Variants in ARSF observed in about 807,000 individuals in gnomAD.
The protein encoded by ARSF is arylsulfatase F.
In ARSF, 33 loss-of-function variants were observed where a neutral mutation model predicts 35.4. That is an observed-to-expected ratio of 0.93 (90% CI 0.71 to 1.25). ARSF has a LOEUF of 1.25. Ranked by LOEUF, ARSF falls within the 50% of genes most tolerant of loss-of-function variation. The pLI is 0.00. For synonymous variants in ARSF, 222 were observed against 193.1 expected (o/e 1.15, Z -1.24); for missense variants, 501 against 480.2 (o/e 1.04, Z -0.40).
intron 1 of ARSF, among the ~76,000 whole-genome samples, chrX:3,057,477 G>A (rs2147480549): frequency 9.0e-6 from 1 of 111,247 alleles, no homozygotes; most frequent in East Asian, 2.9e-4. Context: ...TTATTAGGGG[G>A]CAGCTGAAAT....
chrX:3,045,493 C>T (rs766165516), intron 1 of ARSF, among the ~76,000 whole-genome samples: 4 of 109,569 alleles, frequency 3.7e-5, no homozygotes, highest in South Asian at 3.9e-4. Flanking sequence ...TTTCATAGGG[C>T]ATGTAAAGCT....
intron 1 of ARSF, among the ~76,000 whole-genome samples, chrX:3,060,764 A>T (rs1007087166): frequency 1.8e-5 from 2 of 111,549 alleles, no homozygotes; most frequent in Non-Finnish European, 3.8e-5. Flanking sequence ...AGTTTAGAGA[A>T]AAAAGAGTAA....
At chrX:3,040,478 C>A (rs1433301750), upstream of ARSF, among the ~76,000 whole-genome samples, 1 of 111,404 alleles carries the variant, frequency 9.0e-6, no homozygotes, top group Non-Finnish European at 1.9e-5. Flanking sequence ...GTGGTGCATT[C>A]TAAATGGTCT....
intron 8 of ARSF, among the ~76,000 whole-genome samples, chrX:3,102,420 C>T (rs2090383157): frequency 8.9e-6 from 1 of 112,048 alleles, no homozygotes; most frequent in Non-Finnish European, 1.9e-5. Context: ...AGAATAATGG[C>T]CTCCAGCTCC....
chrX:3,084,119 T>A (rs2090226018), intron 5 of ARSF, 124 bp from the exon 6 acceptor site: 1 of 841,662 alleles, frequency 1.2e-6, no homozygotes, highest in African/African-American at 2.0e-5. Context: ...GGAGAATATC[T>A]CTGCTACTTT....
At chrX:3,090,283 ATAGTAATATT>A (rs2090279789) in intron 7 of ARSF, among the ~76,000 whole-genome samples, 1 of 112,330 alleles carries the variant, frequency 8.9e-6, no homozygotes, top group African/African-American at 3.2e-5. Context: ...GTAACATAAT[ATAGTAATATT>A]AAGTAATAGT....
chrX:3,093,113 C>T (rs1014350740), intron 7 of ARSF, among the ~76,000 whole-genome samples: 9 of 110,954 alleles, frequency 8.1e-5, no homozygotes, highest in East Asian at 2.8e-4. Flanking sequence ...TTGCAGTGGC[C>T]GAGATCGCGC....
intron 7 of ARSF, 151 bp downstream of exon 7, chrX:3,089,783 A>G: frequency 1.7e-6 from 1 of 576,149 alleles, no homozygotes; most frequent in Non-Finnish European, 2.6e-6. Context: ...GTTGCTAGCA[A>G]TTGAGAAAGT....
intron 1 of ARSF, 51 bp from the exon 2 acceptor site, chrX:3,068,020 CTT>C (rs756715933): frequency 0.057 from 39,429 of 695,709 alleles, 286 homozygotes; most frequent in African/African-American, 0.14. Flanking sequence ...ATGAATGATA[CTT>C]TTTTTTTTTT....
At chrX:3,079,877 T>G (rs1412945369) in intron 4 of ARSF, among the ~76,000 whole-genome samples, 1 of 103,112 alleles carries the variant, frequency 9.7e-6, no homozygotes, top group Non-Finnish European at 2.0e-5. Flanking sequence ...GAGAATTGCT[T>G]GAACTCAGGA....
intron 7 of ARSF, among the ~76,000 whole-genome samples, chrX:3,094,348 A>G (rs2090325017): frequency 8.9e-6 from 1 of 111,753 alleles, no homozygotes; most frequent in Non-Finnish European, 1.9e-5. Context: ...TCTTCTCTGA[A>G]GTCTCCAGTA....
intron 9 of ARSF, 116 bp from the exon 10 acceptor site, chrX:3,110,012 C>T (rs2090433574): frequency 1.1e-5 from 8 of 721,994 alleles, no homozygotes; most frequent in African/African-American, 4.4e-5. Context: ...AGACTCAGTA[C>T]GCTGTCCTCT....
At chrX:3,090,370 CTATT>C (rs1231580067) in intron 7 of ARSF, among the ~76,000 whole-genome samples, 1 of 111,644 alleles carries the variant, frequency 9.0e-6, no homozygotes, top group African/African-American at 3.2e-5. Context: ...CAGCTAAAAT[CTATT>C]TAACAAAAGT....
At chrX:3,092,103 TAGATA>T (rs1233163505) in intron 7 of ARSF, among the ~76,000 whole-genome samples, 1 of 110,010 alleles carries the variant, frequency 9.1e-6, no homozygotes. Flanking sequence ...AGGTGATTGA[TAGATA>T]AGATAGATAG....
At chrX:3,074,215 C>A (rs1025030507) in intron 3 of ARSF, among the ~76,000 whole-genome samples, 1 of 110,811 alleles carries the variant, frequency 9.0e-6, no homozygotes, top group Non-Finnish European at 1.9e-5. Context: ...CGTGGGGTAT[C>A]GGTGTTTTGC....
intron 1 of ARSF, among the ~76,000 whole-genome samples, chrX:3,066,436 A>G (rs766346222): frequency 9.0e-6 from 1 of 111,364 alleles, no homozygotes; most frequent in East Asian, 2.8e-4. Flanking sequence ...TTGGGAGCAC[A>G]GATGTCCCTG....
chrX:3,044,034 G>T (rs903941135), intron 1 of ARSF, among the ~76,000 whole-genome samples: 2 of 111,428 alleles, frequency 1.8e-5, no homozygotes, highest in Admixed American at 9.6e-5. Flanking sequence ...CGATCCACCC[G>T]TCTTGGCCTC....
At chrX:3,075,520 G>C (rs1439707858) in intron 3 of ARSF, among the ~76,000 whole-genome samples, 2 of 101,967 alleles carry the variant, frequency 2.0e-5, no homozygotes, top group Non-Finnish European at 4.0e-5. Context: ...GTCTCTCTCT[G>C]TCTCCCTCTC....
Position 3,112,502 on chromosome X carries a change from G to A in ARSF, c.1719G>A (p.Leu573=), listed in dbSNP as rs752954182. Residue 573 remains leucine, a synonymous_variant, in exon 11 of 11, where the codon CTG becomes CTA. Transcript: ENST00000381127. The part of the protein sequence containing the change: ...KPCCGVFPFC[L]CDKEEEVSQP... ...GCTGTGGGGTGTTCCCATTTTGTCT[G>A]TGTGACAAGGAAGAGGAAGTCTCTC... 5.0e-6 allele frequency: 6 copies of A among 1,211,384 alleles called. No individual in the cohort carries two copies. In the Admixed American group the frequency reaches 1.3e-4, roughly 26 times the overall value.
Sources: allele counts gnomAD v4.1 joint callset (sites outside exome capture counted in the v4.1 genomes callset), GRCh38; gene constraint gnomAD v4.1.1; transcripts MANE v1.5; gene names NCBI Gene and HGNC (gene_info 2026-07-23, HGNC 2026-07-21).